CELF2: variants seen among roughly 807,000 people sequenced by gnomAD.
CELF2 encodes CUGBP Elav-like family member 2, also known as CUG triplet repeat RNA-binding protein 2.
CELF2 carries 8 observed loss-of-function variants against 62.6 expected under a neutral mutation model. The ratio of observed to expected loss-of-function variants is 0.13; its 90% CI spans 0.07 to 0.23. CELF2 has a LOEUF of 0.23. Ranked by LOEUF, CELF2 falls within the 10% of genes least tolerant of loss-of-function variation. The probability of loss-of-function intolerance (pLI) is 1.00; values close to 1 mark genes in which losing one functional copy is unlikely to be tolerated. For missense variants in CELF2, 333 were observed against 671.0 expected, an observed-to-expected ratio of 0.50 and a Z score of 5.56; for synonymous variants, 258 against 250.0, an observed-to-expected ratio of 1.03 and a Z score of -0.30.
At chr10:11,164,719 C>CT (rs2133312687) in intron 1 of CELF2, among the ~76,000 whole-genome samples, 1 of 151,092 alleles carries the variant, frequency 6.6e-6, no homozygotes, top group Non-Finnish European at 1.5e-5. Flanking sequence ...TCTCCTTTGC[C>CT]TCTCTGAATT....
At chr10:10,514,554 G>A in the CELF2 span, among the ~76,000 whole-genome samples, 1 of 152,196 alleles carries the variant, frequency 6.6e-6, no homozygotes, top group South Asian at 2.1e-4. Context: ...ACTTCCTGAG[G>A]GAGGGCTTTG....
the CELF2 span, among the ~76,000 whole-genome samples, chr10:10,735,740 T>C: frequency 6.6e-6 from 1 of 152,164 alleles, no homozygotes; most frequent in African/African-American, 2.4e-5. Flanking sequence ...ATGGCTATGG[T>C]GATAATAAGT....
the CELF2 span, among the ~76,000 whole-genome samples, chr10:10,509,386 G>T: frequency 0.5 from 75,867 of 151,892 alleles, 20,172 homozygotes; most frequent in East Asian, 0.73. Flanking sequence ...GGGTCATAAA[G>T]GTGGGGCCCT....
chr10:11,329,834 T>C lies in CELF2; in HGVS notation c.*781T>C, dbSNP rs1157614959. The C allele has an allele frequency of 1.3e-5, 2 of 152,016 alleles. No individual in the cohort carries two copies. Among genetic ancestry groups the C allele is most frequent in the Non-Finnish European group, 2.9e-5 (2 of 67,990 alleles). 9.4% of individuals were successfully genotyped at this position (152,016 alleles called of 1,614,324 possible). A position where few individuals can be genotyped will look rare whatever the true frequency, so the allele number is the denominator to read the frequency against. On this transcript the variant is annotated 3_prime_UTR_variant, in exon 13 of 13. Transcript: ENST00000633077. This position sits in a 1 kb window ranked among gnomAD's most constrained non-coding sequence, Gnocchi z 5.5. Reference sequence around the variant, plus strand: ...GTTTCTTGAAAGATAAATTTAATAATAATAAATAAATACATAAATACATAA... The same window carrying C: ...GTTTCTTGAAAGATAAATTTAATAACAATAAATAAATACATAAATACATAA...
chr10:11,087,674 A>G (rs1165386091), intron 1 of CELF2, among the ~76,000 whole-genome samples: 1 of 152,214 alleles, frequency 6.6e-6, no homozygotes, highest in Non-Finnish European at 1.5e-5. Flanking sequence ...TAATCAGCCT[A>G]TCACAACAAC....
the CELF2 span, among the ~76,000 whole-genome samples, chr10:10,730,634 C>T: frequency 1.9e-3 from 293 of 152,314 alleles, 1 homozygote; most frequent in African/African-American, 6.6e-3. Context: ...AAAATATTTG[C>T]CACGTGAAAA....
intron 1 of CELF2, among the ~76,000 whole-genome samples, chr10:11,049,194 G>A (rs1594034045): frequency 6.8e-6 from 1 of 146,746 alleles, no homozygotes; most frequent in Non-Finnish European, 1.5e-5. Context: ...TTCAATAGCT[G>A]CACTTGTTAG....
intron 2 of CELF2, among the ~76,000 whole-genome samples, chr10:11,197,028 A>AAGGAAGGAAG: frequency 2.4e-4 from 5 of 20,964 alleles, no homozygotes; most frequent in African/African-American, 1.6e-3. Flanking sequence ...AAGAAAGAAA[A>AAGGAAGGAAG]GAAAGAAAGA....
Position 11,237,047 on chromosome 10 carries a change from T to A in CELF2, c.355-12106T>A, listed in dbSNP as rs192173806. On this transcript the variant is annotated intron_variant, in intron 3 of 12. Transcript: ENST00000633077. This position sits in a 1 kb window ranked among gnomAD's most constrained non-coding sequence, Gnocchi z 4.0. ...GGGGAGAAAAATTTCTAGACTGAGT[T>A]TTAGACAGATTAAAAAGGCAATGGT... 5.9e-5 allele frequency among the ~76,000 whole-genome samples: 9 copies of A among 152,206 alleles called. No homozygotes were observed. The highest frequency in any genetic ancestry group is 5.9e-4 in the Admixed American group (9 of 15,302).
intron 1 of CELF2, among the ~76,000 whole-genome samples, chr10:11,064,930 C>T (rs1236549616): frequency 6.6e-6 from 1 of 152,168 alleles, no homozygotes; most frequent in Admixed American, 6.5e-5. Flanking sequence ...CAGGCCCAGT[C>T]TCCATTTCAG....
intron 2 of CELF2, among the ~76,000 whole-genome samples, chr10:11,216,507 G>A (rs1341656906): frequency 6.6e-6 from 1 of 152,128 alleles, no homozygotes; most frequent in Non-Finnish European, 1.5e-5. Context: ...TCAAGTTTTT[G>A]TCCTACCCTC....
intron 1 of CELF2, among the ~76,000 whole-genome samples, chr10:11,091,178 G>T (rs1210297698): frequency 2.0e-5 from 3 of 152,126 alleles, no homozygotes; most frequent in Non-Finnish European, 4.4e-5. Context: ...AACATAACAT[G>T]TTAGGGCACA....
the CELF2 span, among the ~76,000 whole-genome samples, chr10:10,689,033 G>A: frequency 1.3e-5 from 2 of 151,994 alleles, no homozygotes; most frequent in Admixed American, 1.3e-4. Context: ...TTAAATTTAA[G>A]TTTTAAAGAA....
intron 4 of CELF2, among the ~76,000 whole-genome samples, chr10:11,250,623 A>C (rs2076858968): frequency 6.6e-6 from 1 of 152,234 alleles, no homozygotes; most frequent in South Asian, 2.1e-4. Flanking sequence ...AAAAGGAAGA[A>C]GAAAAGACCC....
intron 2 of CELF2, among the ~76,000 whole-genome samples, chr10:10,954,033 A>G (rs532918919): frequency 6.6e-6 from 1 of 151,978 alleles, no homozygotes; most frequent in South Asian, 2.1e-4. Flanking sequence ...CACTCCTAAT[A>G]AAGCAAATGC....
At chr10:10,675,636 A>G in the CELF2 span, among the ~76,000 whole-genome samples, 1 of 151,426 alleles carries the variant, frequency 6.6e-6, no homozygotes, top group East Asian at 1.9e-4. Flanking sequence ...TAGTTCTTGA[A>G]TATTCTGTTT....
chr10:10,574,872 G>GCTTTTTTTTTTT, the CELF2 span, among the ~76,000 whole-genome samples: 1 of 105,980 alleles, frequency 9.4e-6, no homozygotes, highest in Non-Finnish European at 2.0e-5. Flanking sequence ...ACCATGCCTG[G>GCTTTTTTTTTTT]TTTTTTTTTT....
At chr10:10,693,617 T>G in the CELF2 span, among the ~76,000 whole-genome samples, 232 of 151,382 alleles carry the variant, frequency 1.5e-3, no homozygotes, top group African/African-American at 5.4e-3. Flanking sequence ...TCTGGTAGAA[T>G]TCGGCTGTGA....
At chr10:11,249,263 G>T (rs1354823370) in intron 4 of CELF2, 62 bp downstream of exon 4, 57 of 1,412,030 alleles carry the variant, frequency 4.0e-5, no homozygotes, top group Non-Finnish European at 5.3e-5. Flanking sequence ...TACAAAGTCA[G>T]TTGGGGGCGG....
Sources: gnomAD v4.1 joint callset for allele counts (sites outside exome capture counted in the v4.1 genomes callset) on GRCh38, gnomAD v4.1.1 for gene constraint, Gnocchi (gnomAD v3.1) non-coding constraint, MANE v1.5 for transcripts, NCBI Gene and HGNC (gene_info 2026-07-23, HGNC 2026-07-21) for gene names.